RBFOX1: variants seen among roughly 807,000 people sequenced by gnomAD.
RBFOX1 encodes the protein RNA binding fox-1 homolog 1, also known as RNA binding protein fox-1 homolog 1.
RBFOX1 carries 8 observed loss-of-function variants against 57.7 expected under a neutral mutation model. That is an observed-to-expected ratio of 0.14 (90% CI 0.08 to 0.25). RBFOX1 has a LOEUF of 0.25. Ranked by LOEUF, RBFOX1 falls within the 10% of genes least tolerant of loss-of-function variation. RBFOX1 has a pLI of 1.00. For synonymous variants in RBFOX1, 326 were observed against 222.4 expected (o/e 1.47, Z -4.15); for missense variants, 611 against 548.5 (o/e 1.11, Z -1.14).
intron 3 of RBFOX1, among the ~76,000 whole-genome samples, chr16:6,953,229 C>T (rs2081120160): frequency 6.6e-6 from 1 of 152,076 alleles, no homozygotes; most frequent in African/African-American, 2.4e-5. Flanking sequence ...GACCTGTTAC[C>T]TATGGTACTC....
In RBFOX1 at chr16:6,954,180, A is replaced by T. The variant is rs528182164; in HGVS notation, c.-15-97877A>T. On this transcript the variant is annotated intron_variant, in intron 3 of 15. Transcript: ENST00000550418. The stretch of plus-strand genomic sequence containing the variant: ...TGGTTTTGATTTATTTTGATGTCAA[A>T]AAGTTACTCACATATTTATGTAAAA... Among the ~76,000 whole-genome samples, 14 of 152,282 alleles carry T rather than the reference A, an allele frequency of 9.2e-5. No individual in the cohort carries two copies. In the South Asian group the frequency reaches 1.0e-3, roughly 11 times the overall value.
intron 4 of RBFOX1, among the ~76,000 whole-genome samples, chr16:5,872,160 C>A (rs1471125150): frequency 1.3e-5 from 2 of 152,190 alleles, no homozygotes; most frequent in African/African-American, 4.8e-5. Flanking sequence ...GGCTGAGCTG[C>A]TTAGTCTGTG....
chr16:6,193,379 T>TATATAATATATATATATA (rs1555545337), intron 1 of RBFOX1, among the ~76,000 whole-genome samples: 2 of 63,136 alleles, frequency 3.2e-5, no homozygotes, highest in African/African-American at 1.0e-4. Context: ...TATATATACA[T>TATATAATATATATATATA]TATATATATA....
chr16:7,314,097 T>G (rs4497710), intron 4 of RBFOX1, among the ~76,000 whole-genome samples: 113,269 of 151,822 alleles, frequency 0.75, 42,357 homozygotes, highest in East Asian at 0.93. Flanking sequence ...CCATGAGGCT[T>G]TTGGACTTGG....
chr16:5,873,000 A>C (rs2057513823), intron 4 of RBFOX1, among the ~76,000 whole-genome samples: 1 of 151,720 alleles, frequency 6.6e-6, no homozygotes, highest in South Asian at 2.1e-4. Flanking sequence ...AAAATACAAA[A>C]ATTAGCTGGG....
At chr16:6,421,759 A>G (rs991555299) in intron 2 of RBFOX1, among the ~76,000 whole-genome samples, 2 of 152,056 alleles carry the variant, frequency 1.3e-5, no homozygotes, top group African/African-American at 4.8e-5. Flanking sequence ...TTCAATACGC[A>G]GGTTTATCTC....
chr16:5,948,223 C>T (rs1349832957), intron 4 of RBFOX1, among the ~76,000 whole-genome samples: 1 of 152,094 alleles, frequency 6.6e-6, no homozygotes, highest in South Asian at 2.1e-4. Context: ...TTGCGCTGAC[C>T]GAGCTGGGCA....
intron 3 of RBFOX1, among the ~76,000 whole-genome samples, chr16:6,660,721 C>A (rs138945313): frequency 1.3e-3 from 203 of 152,154 alleles, no homozygotes; most frequent in African/African-American, 4.7e-3. Flanking sequence ...TTATATAATA[C>A]CTGGCACAAA....
chr16:6,952,933 A>G (rs1255609154), intron 3 of RBFOX1, among the ~76,000 whole-genome samples: 1 of 152,014 alleles, frequency 6.6e-6, no homozygotes, highest in African/African-American at 2.4e-5. Context: ...CTATTGCCCC[A>G]TTGCACTCCA....
chr16:5,366,891 G>T lies in RBFOX1; in HGVS notation c.220-100325G>T, dbSNP rs1230182490. ...AAAGATGGAGCTTCACCCTTTGCTT[G>T]GTCTTAAGTATGAATGGAATGTTAT... is the stretch of plus-strand genomic sequence containing the variant. On this transcript the variant is annotated intron_variant, in intron 1 of 2. Coordinates refer to the RBFOX1 transcript ENST00000585867. Among the ~76,000 whole-genome samples, 7 of 152,112 alleles carry T rather than the reference G, an allele frequency of 4.6e-5. No homozygotes were observed. The East Asian group carries it at 1.3e-3, about 29-fold the overall frequency.
intron 3 of RBFOX1, among the ~76,000 whole-genome samples, chr16:7,005,383 A>G (rs1426472958): frequency 6.6e-6 from 1 of 152,184 alleles, no homozygotes; most frequent in East Asian, 1.9e-4. Context: ...AGGGATGGCA[A>G]GGAAACATCC....
intron 4 of RBFOX1, among the ~76,000 whole-genome samples, chr16:7,249,730 A>G (rs1207361658): frequency 1.3e-5 from 2 of 152,002 alleles, no homozygotes; most frequent in African/African-American, 2.4e-5. Context: ...TTCTTGTGCT[A>G]TCTCTGATTT....
intron 4 of RBFOX1, among the ~76,000 whole-genome samples, chr16:7,164,901 T>A: frequency 6.6e-6 from 1 of 152,226 alleles, no homozygotes; most frequent in East Asian, 1.9e-4. Flanking sequence ...AATGAATTGT[T>A]TGCTTCTTGA....
intron 11 of RBFOX1, among the ~76,000 whole-genome samples, chr16:7,634,858 GAAGA>G (rs2061516363): frequency 6.6e-6 from 1 of 152,142 alleles, no homozygotes; most frequent in Non-Finnish European, 1.5e-5. Context: ...AAACTTAAAT[GAAGA>G]AAGAACAAAA....
In RBFOX1 at chr16:6,702,382, C is replaced by T. The variant is rs140628262; in HGVS notation, c.-16+47732C>T. Among the ~76,000 whole-genome samples the T allele has an allele frequency of 8.3e-4, 127 of 152,184 alleles. 4 individuals are homozygous for T. The East Asian group carries it at 0.021, about 25-fold the overall frequency. On this transcript the variant is annotated intron_variant, in intron 3 of 15. Coordinates refer to ENST00000550418, the MANE Select transcript of RBFOX1 (RefSeq NM_018723.4). ...CAGACTGGCCAACATGGTGAAACTCCATCTCTACTAAAAATACAAAAATCT... is the reference window on the plus strand; with the variant it reads ...CAGACTGGCCAACATGGTGAAACTCTATCTCTACTAAAAATACAAAAATCT...
intron 1 of RBFOX1, among the ~76,000 whole-genome samples, chr16:5,249,485 T>C (rs546910614): frequency 2.0e-5 from 3 of 152,222 alleles, no homozygotes; most frequent in Non-Finnish European, 4.4e-5. Context: ...ACTGATCCAT[T>C]CATGTTTTTC....
At chr16:7,709,242 C>G in intron 15 of RBFOX1, 111 bp downstream of exon 15, 1 of 1,132,806 alleles carries the variant, frequency 8.8e-7, no homozygotes, top group Non-Finnish European at 1.3e-6. Context: ...TTGAATTTGT[C>G]TCTTGTGCTA....
At chr16:7,351,811 A>T (rs1183675229) in intron 4 of RBFOX1, among the ~76,000 whole-genome samples, 1 of 152,148 alleles carries the variant, frequency 6.6e-6, no homozygotes, top group Admixed American at 6.5e-5. Flanking sequence ...TGGGAGTGCC[A>T]TGGAAACACA....
intron 3 of RBFOX1, chr16:5,610,234 C>CA (rs2047726976): frequency 6.6e-6 from 1 of 152,292 alleles, no homozygotes; most frequent in Non-Finnish European, 1.5e-5. Context: ...CCTGTGCCTG[C>CA]ATGTAATAGA....
Sources: gnomAD v4.1 joint callset for allele counts (sites outside exome capture counted in the v4.1 genomes callset) on GRCh38, gnomAD v4.1.1 for gene constraint, MANE v1.5 for transcripts, NCBI Gene and HGNC (gene_info 2026-07-23, HGNC 2026-07-21) for gene names.